The following MEGF10 variants were observed in gnomAD, a reference collection of about 807,000 sequenced individuals.
The protein encoded by MEGF10 is multiple EGF like domains 10.
In MEGF10, 86 loss-of-function variants were observed where a neutral mutation model predicts 147.5. That is an observed-to-expected ratio of 0.58 (90% CI 0.49 to 0.70). The LOEUF is 0.70. Ranked by LOEUF, MEGF10 falls within the 30% of genes least tolerant of loss-of-function variation. MEGF10 has a pLI of 0.00. For missense variants in MEGF10, 1,329 were observed against 1,487.3 expected, an observed-to-expected ratio of 0.89 and a Z score of 1.75; for synonymous variants, 478 against 525.5, an observed-to-expected ratio of 0.91 and a Z score of 1.24.
chr5:127,388,706 C>T (rs923213636), intron 5 of MEGF10, among the ~76,000 whole-genome samples: 11 of 151,296 alleles, frequency 7.3e-5, no homozygotes, highest in African/African-American at 2.2e-4. Context: ...CCACCATGCC[C>T]GGCTAATTTT....
chr5:127,398,791 T>A lies in MEGF10; in HGVS notation c.775T>A (p.Trp259Arg), dbSNP rs559323248. Residue 259 changes from tryptophan (W) to arginine (R), a missense_variant, in exon 7 of 25, where the codon TGG becomes AGG. Physicochemically the swap from Trp to Arg is moderately radical, Grantham distance 101. Transcript: ENST00000503335. ...VTGECSCPSG[W>R]MGTVCGQPCP... ...TGGAGAATGCTCTTGCCCTTCTGGCTGGATGGTAAGCTTCCTTCCCACCTC... is the reference window on the plus strand; with the variant it reads ...TGGAGAATGCTCTTGCCCTTCTGGCAGGATGGTAAGCTTCCTTCCCACCTC... 2.4e-5 allele frequency: 38 copies of A among 1,613,538 alleles called. 1 individual carries two copies. Among genetic ancestry groups the A allele is most frequent in the Non-Finnish European group, 2.9e-5 (34 of 1,179,870 alleles).
upstream of MEGF10, among the ~76,000 whole-genome samples, chr5:127,289,428 GGGGCTTAGCTGAGGTCAGT>G (rs1759139907): frequency 6.6e-6 from 1 of 152,194 alleles, no homozygotes; most frequent in African/African-American, 2.4e-5. Flanking sequence ...GAGGGCCTGA[GGGGCTTAGCTGAGGTCAGT>G]TGCTCTCTTC....
the MEGF10 span, among the ~76,000 whole-genome samples, chr5:127,280,414 G>C: frequency 6.6e-6 from 1 of 152,070 alleles, no homozygotes; most frequent in Non-Finnish European, 1.5e-5. Flanking sequence ...TGTGTGCTCA[G>C]CCAAGTCCAA....
chr5:127,402,693 C>T lies in MEGF10; in HGVS notation c.917+11C>T. 6.2e-7 allele frequency: 1 copy of T among 1,613,118 alleles called. No homozygotes were observed. The highest frequency in any genetic ancestry group is 8.5e-7 in the Non-Finnish European group (1 of 1,179,566). On this transcript the variant is annotated intron_variant, in intron 8 of 24. Transcript: ENST00000503335. ...ATACACAGGGGAACGGTAAGGGATG[C>T]CCTTGTATTTCTCTGACTGTTTATA...
chr5:127,455,968 G>A (rs1301357582), intron 24 of MEGF10, among the ~76,000 whole-genome samples: 1 of 152,126 alleles, frequency 6.6e-6, no homozygotes, highest in Non-Finnish European at 1.5e-5. Context: ...GATGCGACCT[G>A]TGTTTTTAGC....
chr5:127,422,230 CA>C (rs1342520863), intron 12 of MEGF10, among the ~76,000 whole-genome samples: 1 of 152,086 alleles, frequency 6.6e-6, no homozygotes, highest in Non-Finnish European at 1.5e-5. Context: ...GATTAAGATG[CA>C]TCCCTCTGGC....
At chr5:127,402,135 G>A (rs1033681034) in intron 7 of MEGF10, among the ~76,000 whole-genome samples, 2 of 152,198 alleles carry the variant, frequency 1.3e-5, no homozygotes, top group Admixed American at 6.5e-5. Flanking sequence ...ATGTGCGGCA[G>A]ATGTTGCCAT....
rs1381221124 is a variant in MEGF10, at chr5:127,442,978, A to C, written c.2363-20A>C. 1 of 1,604,744 alleles carries C rather than the reference A, an allele frequency of 6.2e-7. No homozygotes were observed. The highest frequency in any genetic ancestry group is 1.7e-4 in the Middle Eastern group (1 of 6,012). ...CAAATTCCCAAGGTTGGAAAGCTAC[A>C]TTTGACTTTCCTTCTCTAGAGTGCC... On this transcript the variant is annotated intron_variant, in intron 18 of 24. Coordinates refer to ENST00000503335, the MANE Select transcript of MEGF10 (RefSeq NM_001256545.2).
the MEGF10 span, among the ~76,000 whole-genome samples, chr5:127,247,412 A>ATTT: frequency 1.3e-5 from 1 of 77,130 alleles, no homozygotes; most frequent in African/African-American, 7.0e-5. Context: ...AAGAAGAAGA[A>ATTT]GAAGAAGAAG....
rs1333779968 is a variant in MEGF10 at position 127,432,270 on chromosome 5, C to A, written c.1694-1093C>A. ...TCACCGGAAATGGTGTACCAATTAA[C>A]AACATTCACATTATAGTTTGGGACT... On this transcript the variant is annotated intron_variant, in intron 13 of 24. Transcript: ENST00000503335. Among the ~76,000 whole-genome samples, 3 of 152,284 alleles carry A rather than the reference C, an allele frequency of 2.0e-5. No individual in the cohort carries two copies. In the East Asian group the frequency reaches 5.8e-4, roughly 29 times the overall value.
intron 1 of MEGF10, 114 bp from the exon 2 acceptor site, chr5:127,331,177 G>C: frequency 1.6e-6 from 1 of 614,270 alleles, no homozygotes; most frequent in Non-Finnish European, 2.9e-6. Flanking sequence ...TACATGGCTT[G>C]TTATGCACAT....
At chr5:127,440,717 AC>A (rs771626209) in intron 17 of MEGF10, 21 bp from the exon 18 acceptor site, 73 of 1,612,492 alleles carry the variant, frequency 4.5e-5, no homozygotes, top group Non-Finnish European at 5.8e-5. Context: ...CTTGACTCCT[AC>A]TGTCCTCCCT....
the MEGF10 span, among the ~76,000 whole-genome samples, chr5:127,261,044 C>A: frequency 6.6e-6 from 1 of 152,094 alleles, no homozygotes; most frequent in African/African-American, 2.4e-5. Flanking sequence ...GAAGATGTGC[C>A]TCTGCCTTCC....
At chr5:127,455,718 G>A in intron 24 of MEGF10, 111 bp downstream of exon 24, 1 of 789,892 alleles carries the variant, frequency 1.3e-6, no homozygotes, top group Non-Finnish European at 1.9e-6. Context: ...TGAAAATAAT[G>A]GTCCGTATTT....
At chr5:127,405,356 T>C (rs147766316) in intron 8 of MEGF10, among the ~76,000 whole-genome samples, 269 of 152,306 alleles carry the variant, frequency 1.8e-3, no homozygotes, top group Middle Eastern at 3.4e-3. Context: ...CTGTACTTTC[T>C]TATTAAATTT....
At chr5:127,381,657 G>T in intron 5 of MEGF10, among the ~76,000 whole-genome samples, 1 of 152,048 alleles carries the variant, frequency 6.6e-6, no homozygotes, top group Admixed American at 6.6e-5. Flanking sequence ...TTTTGTTGTT[G>T]TTTCTTTTTG....
chr5:127,368,309 C>G (rs1404254879), intron 4 of MEGF10, among the ~76,000 whole-genome samples: 1 of 152,210 alleles, frequency 6.6e-6, no homozygotes, highest in Non-Finnish European at 1.5e-5. Context: ...AAACTCTACC[C>G]TGGACCAGGG....
At chr5:127,344,808 A>G (rs1273072153) in intron 4 of MEGF10, among the ~76,000 whole-genome samples, 2 of 152,226 alleles carry the variant, frequency 1.3e-5, no homozygotes, top group African/African-American at 4.8e-5. Flanking sequence ...AAGTAAATAG[A>G]TCTTACACAT....
chr5:127,444,581 A>G (rs1765871445), intron 19 of MEGF10: 1 of 152,222 alleles, frequency 6.6e-6, no homozygotes, highest in African/African-American at 2.4e-5. Flanking sequence ...AAAGTTCAGA[A>G]TATCTAGGTC....
Sources: gnomAD v4.1 joint callset for allele counts (sites outside exome capture counted in the v4.1 genomes callset) on GRCh38, gnomAD v4.1.1 for gene constraint, MANE v1.5 for transcripts, NCBI Gene and HGNC (gene_info 2026-07-23, HGNC 2026-07-21) for gene names.